NLGN4X: variants seen among roughly 807,000 people sequenced by gnomAD.
The protein encoded by NLGN4X is neuroligin-4, X-linked.
Under a neutral mutation model 40.3 loss-of-function variants are expected in NLGN4X, and 3 were observed. The observed-to-expected ratio is 0.07, with a 90% CI of 0.03 to 0.19. NLGN4X has a LOEUF of 0.19. Among genes scored for constraint, NLGN4X ranks in the 10% least tolerant of loss-of-function variants. The pLI is 1.00. For synonymous variants in NLGN4X, 270 were observed against 306.8 expected (o/e 0.88, Z 1.25); for missense variants, 382 against 708.3 (o/e 0.54, Z 5.23).
At chrX:5,969,593 A>C (rs1275580868) in intron 3 of NLGN4X, among the ~76,000 whole-genome samples, 1 of 111,459 alleles carries the variant, frequency 9.0e-6, no homozygotes, top group Admixed American at 9.6e-5. Context: ...AAACTAGTTC[A>C]ACCATTGTGG....
At chrX:6,153,845 G>A (rs1264360035) in intron 1 of NLGN4X, among the ~76,000 whole-genome samples, 2 of 112,218 alleles carry the variant, frequency 1.8e-5, no homozygotes, top group Non-Finnish European at 3.8e-5. Context: ...CATCCCACAA[G>A]GTCCTGATGG....
At chrX:5,898,001 T>A (rs1464972050) in intron 5 of NLGN4X, among the ~76,000 whole-genome samples, 3 of 95,611 alleles carry the variant, frequency 3.1e-5, no homozygotes, top group African/African-American at 7.8e-5. Flanking sequence ...CCCTTTTTCC[T>A]CCCTCTTCCT....
chrX:6,065,865 A>G (rs1303732814), intron 2 of NLGN4X, among the ~76,000 whole-genome samples: 1 of 112,079 alleles, frequency 8.9e-6, no homozygotes, highest in Non-Finnish European at 1.9e-5. Flanking sequence ...GCTAAATTGC[A>G]TATTTTAAAA....
At chrX:6,040,841 T>C (rs1040107281) in intron 2 of NLGN4X, among the ~76,000 whole-genome samples, 2 of 111,921 alleles carry the variant, frequency 1.8e-5, no homozygotes, top group Non-Finnish European at 3.8e-5. Flanking sequence ...ACCATACACA[T>C]CACCGTGTCA....
chrX:6,207,456 A>T (rs990947494), intron 1 of NLGN4X, among the ~76,000 whole-genome samples: 5 of 112,402 alleles, frequency 4.4e-5, no homozygotes, highest in African/African-American at 1.6e-4. Context: ...GAATATTTTA[A>T]CCATGGCATC....
intron 3 of NLGN4X, among the ~76,000 whole-genome samples, chrX:5,923,940 T>A (rs755526706): frequency 8.9e-6 from 1 of 111,846 alleles, no homozygotes; most frequent in Non-Finnish European, 1.9e-5. Context: ...TAAATATACA[T>A]GTCTCCAAGA....
At position 6,096,124 on chromosome X, in the gene NLGN4X, C is replaced by A. The variant is rs5916301; in HGVS notation, c.472+54871G>T. On this transcript the variant is annotated intron_variant, in intron 2 of 5. Coordinates refer to ENST00000381095, the MANE Select transcript of NLGN4X (RefSeq NM_181332.3). ...CTTATGAAGAAGTTATGTTTCAGAG[C>A]CAAATTCCACAGGACACTGCATCCT... Among the ~76,000 whole-genome samples, 15 of 110,628 alleles carry A rather than the reference C, an allele frequency of 1.4e-4. No individual in the cohort carries two copies. The East Asian group carries it at 4.3e-3, about 32-fold the overall frequency.
chrX:6,171,369 T>C (rs1157587603), intron 1 of NLGN4X, among the ~76,000 whole-genome samples: 1 of 112,343 alleles, frequency 8.9e-6, no homozygotes, highest in Admixed American at 9.5e-5. Context: ...TTTTCTTTTA[T>C]GTACTTTCTC....
intron 3 of NLGN4X, among the ~76,000 whole-genome samples, chrX:5,930,343 G>A (rs1201463203): frequency 8.9e-6 from 1 of 111,869 alleles, no homozygotes; most frequent in Non-Finnish European, 1.9e-5. Flanking sequence ...GCACTTAAAC[G>A]GTGTGCCCTT....
chrX:5,893,717 C>T (rs374530923), intron 5 of NLGN4X, 51 bp from the exon 6 acceptor site: 14 of 1,187,153 alleles, frequency 1.2e-5, no homozygotes, highest in African/African-American at 8.9e-5. Flanking sequence ...CCACATGTGA[C>T]GTGAAATTAT....
chrX:6,130,334 G>A (rs972201093), intron 2 of NLGN4X, among the ~76,000 whole-genome samples: 7 of 111,545 alleles, frequency 6.3e-5, no homozygotes, highest in African/African-American at 2.3e-4. Flanking sequence ...CAGAGAAAAG[G>A]CCCCAATGTA....
At chrX:5,923,531 G>A (rs764584178) in intron 3 of NLGN4X, among the ~76,000 whole-genome samples, 9 of 112,410 alleles carry the variant, frequency 8.0e-5, no homozygotes, top group Non-Finnish European at 1.7e-4. Context: ...CGTGCCTGGG[G>A]AGGCCTCACA....
rs749002310 is a variant in NLGN4X, at chrX:6,157,256, G to A, written c.-305-5485C>T. Among the ~76,000 whole-genome samples the A allele has an allele frequency of 8.0e-5, 9 of 111,912 alleles. No individual in the cohort carries two copies. The South Asian group carries it at 1.1e-3, about 14-fold the overall frequency. On this transcript the variant is annotated intron_variant, in intron 1 of 5. Transcript: ENST00000381095. ...AGTTTAATGGGTCAGGAACATGCATGAGCCATAATTGTAGAAACCAGAATT... is the reference window on the plus strand; with the variant it reads ...AGTTTAATGGGTCAGGAACATGCATAAGCCATAATTGTAGAAACCAGAATT...
chrX:5,912,215 C>A (rs761861181), intron 3 of NLGN4X, among the ~76,000 whole-genome samples: 1 of 111,476 alleles, frequency 9.0e-6, no homozygotes, highest in Admixed American at 9.5e-5. Context: ...TTTAAGATGT[C>A]TTTTCAGGCT....
intron 2 of NLGN4X, among the ~76,000 whole-genome samples, chrX:6,088,205 C>G (rs189495348): frequency 8.9e-6 from 1 of 112,741 alleles, no homozygotes; most frequent in Admixed American, 9.4e-5. Context: ...ATGCATGGAA[C>G]ATTTTAAATT....
In NLGN4X at chrX:5,892,502, T is replaced by C. The variant is rs2031233170; in HGVS notation, c.*315A>G. 3.6e-6 allele frequency: 1 copy of C among 277,724 alleles called. No homozygotes were observed. Among genetic ancestry groups the C allele is most frequent in the Non-Finnish European group, 6.5e-6 (1 of 154,719 alleles). The allele number at this position is 277,724 out of a possible 1,213,427, so 22.9% of individuals were successfully genotyped here. On this transcript the variant is annotated 3_prime_UTR_variant, in exon 6 of 6. Transcript: ENST00000381095. Reference sequence around the variant, plus strand: ...ATGACGTTGGAAACACCCGGGGCCTTGAAATGGTGATGTCCTATCACACTA... The same window carrying C: ...ATGACGTTGGAAACACCCGGGGCCTCGAAATGGTGATGTCCTATCACACTA...
At chrX:6,212,110 C>T (rs1370282691) in intron 1 of NLGN4X, among the ~76,000 whole-genome samples, 1 of 109,652 alleles carries the variant, frequency 9.1e-6, no homozygotes, top group Non-Finnish European at 1.9e-5. Flanking sequence ...GCCTGGTGTG[C>T]TCGTGGGCAC....
chrX:5,924,117 A>G (rs570987878), intron 3 of NLGN4X, among the ~76,000 whole-genome samples: 4 of 111,706 alleles, frequency 3.6e-5, no homozygotes, highest in African/African-American at 1.3e-4. Context: ...ATCTAATTCT[A>G]CAAGATTGAC....
intron 2 of NLGN4X, 101 bp from the exon 3 acceptor site, chrX:6,029,533 C>G (rs1169164143): frequency 1.1e-6 from 1 of 869,882 alleles, no homozygotes; most frequent in Non-Finnish European, 1.6e-6. Context: ...CCTATTTTGA[C>G]TTGAATTAAG....
Sources: gnomAD v4.1 joint callset for allele counts (sites outside exome capture counted in the v4.1 genomes callset) on GRCh38, gnomAD v4.1.1 for gene constraint, MANE v1.5 for transcripts, NCBI Gene and HGNC (gene_info 2026-07-23, HGNC 2026-07-21) for gene names.